Variants in DPP10 observed in about 807,000 individuals in gnomAD.
DPP10 encodes dipeptidyl peptidase like 10.
DPP10 carries 33 observed loss-of-function variants against 120.9 expected under a neutral mutation model. That is an observed-to-expected ratio of 0.27 (90% CI 0.21 to 0.37). DPP10 has a LOEUF of 0.37. Among genes scored for constraint, DPP10 ranks in the 10% least tolerant of loss-of-function variants. DPP10 has a pLI of 1.00. For missense variants in DPP10, 816 were observed against 942.8 expected (o/e 0.87, Z 1.76); for synonymous variants, 337 against 326.1 (o/e 1.03, Z -0.36).
At chr2:114,552,825 C>A (rs930881163) in intron 1 of DPP10, among the ~76,000 whole-genome samples, 1 of 152,146 alleles carries the variant, frequency 6.6e-6, no homozygotes, top group Non-Finnish European at 1.5e-5. Flanking sequence ...GAATTACAGG[C>A]GTGAGCCACT....
At chr2:114,972,388 A>C (rs1033788550) in intron 1 of DPP10, among the ~76,000 whole-genome samples, 12 of 152,202 alleles carry the variant, frequency 7.9e-5, no homozygotes, top group African/African-American at 2.7e-4. Flanking sequence ...ACAATTGATT[A>C]TTGTATATTA....
intron 1 of DPP10, among the ~76,000 whole-genome samples, chr2:114,836,587 C>T (rs1687757818): frequency 6.6e-6 from 1 of 152,110 alleles, no homozygotes; most frequent in Admixed American, 6.6e-5. Flanking sequence ...ATCACAGGAC[C>T]ACAGGACTGG....
intron 1 of DPP10, among the ~76,000 whole-genome samples, chr2:114,459,346 T>C (rs10201559): frequency 0.13 from 19,221 of 152,144 alleles, 2,897 homozygotes; most frequent in African/African-American, 0.36. Context: ...GGTACTACCT[T>C]CATCACTGAT....
intron 3 of DPP10, among the ~76,000 whole-genome samples, chr2:115,399,869 TATATG>T (rs148966660): frequency 0.2 from 30,856 of 151,850 alleles, 3,425 homozygotes; most frequent in East Asian, 0.35. Flanking sequence ...TGTAAGGAAA[TATATG>T]AGATGGGGTC....
intron 1 of DPP10, among the ~76,000 whole-genome samples, chr2:114,509,142 G>A (rs1245764881): frequency 2.6e-5 from 4 of 152,166 alleles, no homozygotes; most frequent in East Asian, 1.9e-4. Flanking sequence ...TTTCAGTACT[G>A]TAAGATGCCA....
intron 1 of DPP10, among the ~76,000 whole-genome samples, chr2:114,993,848 A>G (rs1490001479): frequency 6.6e-6 from 1 of 152,040 alleles, no homozygotes; most frequent in Admixed American, 6.6e-5. Flanking sequence ...ATTGTAATGC[A>G]CTATTATAAT....
intron 1 of DPP10, among the ~76,000 whole-genome samples, chr2:114,498,578 T>A (rs1682880923): frequency 6.6e-6 from 1 of 152,200 alleles, no homozygotes; most frequent in Non-Finnish European, 1.5e-5. Context: ...CATATCGGGT[T>A]GGCCTGGGGA....
chr2:114,863,241 G>C (rs1372735110), intron 1 of DPP10, among the ~76,000 whole-genome samples: 1 of 152,180 alleles, frequency 6.6e-6, no homozygotes. Flanking sequence ...TAAATAGCAG[G>C]GAAGAAGTTA....
At position 115,680,254 on chromosome 2, in the gene DPP10, C is replaced by T. The variant is rs1367076398; in HGVS notation, c.442-9433C>T. 2.0e-5 allele frequency among the ~76,000 whole-genome samples: 3 copies of T among 151,650 alleles called. No individual in the cohort carries two copies. In the East Asian group the frequency reaches 5.8e-4, roughly 29 times the overall value. ...ATATTTAATATGCTTCTCAGTTTAA[C>T]TAGAATTTAATAAGAATAAGATGTT... On this transcript the variant is annotated intron_variant, in intron 5 of 25. Coordinates refer to ENST00000410059, the MANE Select transcript of DPP10 (RefSeq NM_020868.6).
In DPP10 at chr2:115,766,286, A is replaced by ATGTGTGTGTGTGTGTG. The variant is rs34673352; in HGVS notation, c.1114-2001_1114-1986dup. Among the ~76,000 whole-genome samples, 144 of 70,230 alleles carry ATGTGTGTGTGTGTGTG rather than the reference A, an allele frequency of 2.1e-3. 7 individuals are homozygous for ATGTGTGTGTGTGTGTG. Among genetic ancestry groups the ATGTGTGTGTGTGTGTG allele is most frequent in the East Asian group, 6.4e-3 (9 of 1,398 alleles). 46.1% of individuals were successfully genotyped at this position (70,230 alleles called of 152,430 possible). On this transcript the variant is annotated intron_variant, in intron 12 of 25. Transcript: ENST00000410059. ...ATGAACAAAAATACTCATTATATAT[A>ATGTGTGTGTGTGTGTG]TGTGTGTGTGTGTGTGTGTGTGTGT...
intron 1 of DPP10, among the ~76,000 whole-genome samples, chr2:114,716,718 C>A (rs1202172476): frequency 6.6e-6 from 1 of 152,008 alleles, no homozygotes; most frequent in African/African-American, 2.4e-5. Flanking sequence ...CTCTAAAAAC[C>A]ATAGTATTTT....
intron 3 of DPP10, among the ~76,000 whole-genome samples, chr2:115,377,696 T>G (rs1029103972): frequency 2.6e-5 from 4 of 152,182 alleles, no homozygotes; most frequent in Non-Finnish European, 4.4e-5. Context: ...GTTTATCGTT[T>G]AAGTCTTTAA....
At chr2:115,280,553 A>T (rs778254837) in intron 1 of DPP10, among the ~76,000 whole-genome samples, 1 of 152,236 alleles carries the variant, frequency 6.6e-6, no homozygotes, top group South Asian at 2.1e-4. Context: ...GTCATCCAAT[A>T]GTTTGCAGTG....
At chr2:115,564,726 T>G (rs530659506) in intron 5 of DPP10, among the ~76,000 whole-genome samples, 29 of 152,366 alleles carry the variant, frequency 1.9e-4, no homozygotes, top group Non-Finnish European at 2.8e-4. Flanking sequence ...CATCAGATGG[T>G]AAAATGTCAA....
chr2:115,572,490 T>C (rs1316663149), intron 5 of DPP10, among the ~76,000 whole-genome samples: 1 of 152,212 alleles, frequency 6.6e-6, no homozygotes, highest in Non-Finnish European at 1.5e-5. Context: ...TATATGCACA[T>C]ATGTAAACAC....
intron 1 of DPP10, among the ~76,000 whole-genome samples, chr2:115,221,754 G>GTTTTTTTTTTTTTTTTTTTTT (rs56077672): frequency 5.0e-5 from 6 of 120,150 alleles, no homozygotes; most frequent in Non-Finnish European, 6.7e-5. Context: ...GTTTGTTTCT[G>GTTTTTTTTTTTTTTTTTTTTT]TTTTTTTTTT....
At chr2:115,771,685 C>G (rs1681493124) in intron 13 of DPP10, among the ~76,000 whole-genome samples, 1 of 152,088 alleles carries the variant, frequency 6.6e-6, no homozygotes, top group African/African-American at 2.4e-5. Flanking sequence ...CTACATGATT[C>G]TACTTAAAGT....
In DPP10 at chr2:114,462,123, A is replaced by T; in HGVS notation, c.60+19285A>T. Reference sequence around the variant, plus strand: ...ATATGGAGCTTTCTTGGAATGAAACATTATCCCGTAACACCAGGTAATTTT... The same window carrying T: ...ATATGGAGCTTTCTTGGAATGAAACTTTATCCCGTAACACCAGGTAATTTT... On this transcript the variant is annotated intron_variant, in intron 1 of 25. Transcript: ENST00000410059. 3 of 985,398 alleles carry T rather than the reference A, an allele frequency of 3.0e-6. No homozygotes were observed. The South Asian group carries it at 1.4e-4, about 46-fold the overall frequency. 61.0% of individuals were successfully genotyped at this position (985,398 alleles called of 1,614,324 possible).
chr2:114,622,103 G>A (rs776645424), intron 1 of DPP10, among the ~76,000 whole-genome samples: 1 of 152,030 alleles, frequency 6.6e-6, no homozygotes, highest in East Asian at 1.9e-4. Context: ...CAGCCCACTT[G>A]AAGAGACAGG....
Sources: allele counts gnomAD v4.1 joint callset (sites outside exome capture counted in the v4.1 genomes callset), GRCh38; gene constraint gnomAD v4.1.1; transcripts MANE v1.5; gene names NCBI Gene and HGNC (gene_info 2026-07-23, HGNC 2026-07-21).